SEMA3A: variants seen among roughly 807,000 people sequenced by gnomAD.
SEMA3A encodes semaphorin-3A.
A neutral mutation model predicts 97.9 loss-of-function variants in SEMA3A; 29 were observed. That is an observed-to-expected ratio of 0.30 (90% CI 0.22 to 0.40). The LOEUF is 0.40. Ranked by LOEUF, SEMA3A falls within the 10% of genes least tolerant of loss-of-function variation. SEMA3A has a pLI of 1.00. For synonymous variants in SEMA3A, 321 were observed against 323.7 expected, an observed-to-expected ratio of 0.99 and a Z score of 0.09; for missense variants, 763 against 951.3, an observed-to-expected ratio of 0.80 and a Z score of 2.60.
intron 2 of SEMA3A, among the ~76,000 whole-genome samples, chr7:84,329,087 A>T (rs1337466338): frequency 2.0e-5 from 3 of 151,918 alleles, no homozygotes; most frequent in African/African-American, 7.2e-5. Context: ...CATCATCTAC[A>T]TTAAAACCTG....
At chr7:84,216,061 A>C (rs1798747215) in intron 3 of SEMA3A, among the ~76,000 whole-genome samples, 1 of 152,174 alleles carries the variant, frequency 6.6e-6, no homozygotes, top group Non-Finnish European at 1.5e-5. Context: ...GGTAGTAAAA[A>C]ATAATCTATC....
At chr7:84,371,035 T>C (rs1802962303) in intron 2 of SEMA3A, among the ~76,000 whole-genome samples, 1 of 151,440 alleles carries the variant, frequency 6.6e-6, no homozygotes, top group Admixed American at 6.6e-5. Flanking sequence ...TATAGATAGG[T>C]AATATGTATA....
At chr7:84,368,017 A>T (rs551218373) in intron 2 of SEMA3A, among the ~76,000 whole-genome samples, 1 of 151,348 alleles carries the variant, frequency 6.6e-6, no homozygotes, top group African/African-American at 2.4e-5. Context: ...AAGTAGAAGT[A>T]ATGCTTTCAA....
At chr7:84,208,108 T>C (rs1273189777) in intron 3 of SEMA3A, among the ~76,000 whole-genome samples, 2 of 152,134 alleles carry the variant, frequency 1.3e-5, no homozygotes, top group South Asian at 2.1e-4. Flanking sequence ...TTTAATATAA[T>C]TCAAAGTAGT....
chr7:84,344,506 C>T (rs1393028700), intron 2 of SEMA3A, among the ~76,000 whole-genome samples: 1 of 152,102 alleles, frequency 6.6e-6, no homozygotes, highest in Non-Finnish European at 1.5e-5. Context: ...GGATATAGGA[C>T]TAAGTTCCAA....
intron 1 of SEMA3A, among the ~76,000 whole-genome samples, chr7:84,408,607 G>A (rs553270736): frequency 8.5e-4 from 129 of 151,944 alleles, no homozygotes; most frequent in African/African-American, 3.0e-3. Context: ...TGTTTATTGT[G>A]GCACTATTCA....
intron 1 of SEMA3A, among the ~76,000 whole-genome samples, chr7:84,416,701 A>C (rs1006493675): frequency 6.6e-6 from 1 of 152,146 alleles, no homozygotes; most frequent in African/African-American, 2.4e-5. Flanking sequence ...TAAAGGTAGG[A>C]GCTATCTTAA....
In SEMA3A at chr7:84,416,718, G is replaced by T. The variant is rs575475189; in HGVS notation, c.-245-44818C>A. Among the ~76,000 whole-genome samples the T allele has an allele frequency of 3.9e-5, 6 of 152,210 alleles. No homozygotes were observed. In the East Asian group the frequency reaches 1.2e-3, roughly 29 times the overall value. ...AAGGTAGGAGCTATCTTAATTTTTA[G>T]TTGGAAACCAGATTGGAAAAGTTAA... On this transcript the variant is annotated intron_variant, in intron 1 of 3. Transcript: ENST00000424555.
chr7:84,169,920 T>C (rs1398855548), intron 1 of SEMA3A, among the ~76,000 whole-genome samples: 1 of 151,890 alleles, frequency 6.6e-6, no homozygotes, highest in Non-Finnish European at 1.5e-5. Flanking sequence ...AGCTTCATAC[T>C]TAACAAATAT....
chr7:84,407,051 G>A (rs893791929), intron 1 of SEMA3A, among the ~76,000 whole-genome samples: 1 of 152,052 alleles, frequency 6.6e-6, no homozygotes, highest in Non-Finnish European at 1.5e-5. Context: ...TTCTGGCCAG[G>A]GCAATCAGGC....
intron 5 of SEMA3A, among the ~76,000 whole-genome samples, chr7:84,051,830 T>C (rs148983840): frequency 0.62 from 92,812 of 148,964 alleles, 28,912 homozygotes; most frequent in Non-Finnish European, 0.66. Flanking sequence ...ACATTCAGTA[T>C]GATATTGGCT....
At chr7:84,471,287 G>A (rs1806140357) in intron 1 of SEMA3A, among the ~76,000 whole-genome samples, 1 of 152,030 alleles carries the variant, frequency 6.6e-6, no homozygotes, top group Admixed American at 6.6e-5. Context: ...AGCAATCAGA[G>A]TGACTGCTTA....
At chr7:84,140,729 CTTCCTGGA>C (rs1408326712) in intron 1 of SEMA3A, among the ~76,000 whole-genome samples, 2 of 152,222 alleles carry the variant, frequency 1.3e-5, no homozygotes, top group East Asian at 3.9e-4. Flanking sequence ...TATTTTAGTA[CTTCCTGGA>C]TTTTATTTTC....
At chr7:84,131,346 T>C (rs895599706) in intron 2 of SEMA3A, among the ~76,000 whole-genome samples, 2 of 152,194 alleles carry the variant, frequency 1.3e-5, no homozygotes, top group Non-Finnish European at 2.9e-5. Flanking sequence ...TGCTCACAAA[T>C]TTCTCAGTTA....
At chr7:84,135,413 C>T (rs142338991) in intron 1 of SEMA3A, among the ~76,000 whole-genome samples, 1 of 151,774 alleles carries the variant, frequency 6.6e-6, no homozygotes, top group African/African-American at 2.4e-5. Flanking sequence ...GCCCGGCCTG[C>T]ATTTTATTAA....
At chr7:84,432,147 T>C (rs569546008) in intron 1 of SEMA3A, among the ~76,000 whole-genome samples, 4 of 152,084 alleles carry the variant, frequency 2.6e-5, no homozygotes, top group Non-Finnish European at 5.9e-5. Flanking sequence ...CCACCCAATC[T>C]GTCATTTATA....
At chr7:84,024,549 C>A (rs1453754752) in intron 6 of SEMA3A, among the ~76,000 whole-genome samples, 1 of 151,812 alleles carries the variant, frequency 6.6e-6, no homozygotes, top group Non-Finnish European at 1.5e-5. Context: ...TGTCCCTGCA[C>A]ACCCAATGCC....
chr7:84,232,278 TATAA>T (rs2116359198), intron 3 of SEMA3A, among the ~76,000 whole-genome samples: 1 of 148,040 alleles, frequency 6.8e-6, no homozygotes, highest in South Asian at 2.1e-4. Context: ...TATTTTATTA[TATAA>T]ATATATATAT....
intron 2 of SEMA3A, among the ~76,000 whole-genome samples, chr7:84,353,983 T>C (rs1168885116): frequency 6.6e-6 from 1 of 151,660 alleles, no homozygotes; most frequent in African/African-American, 2.4e-5. Context: ...ATGTTATCTC[T>C]ACACATTAAT....
Sources: allele counts gnomAD v4.1 joint callset (sites outside exome capture counted in the v4.1 genomes callset), GRCh38; gene constraint gnomAD v4.1.1; transcripts MANE v1.5; gene names NCBI Gene and HGNC (gene_info 2026-07-23, HGNC 2026-07-21).